TMEM232: variants seen among roughly 807,000 people sequenced by gnomAD.
TMEM232 encodes transmembrane protein 232.
In TMEM232, 80 loss-of-function variants were observed where a neutral mutation model predicts 78.8. The ratio of observed to expected loss-of-function variants is 1.01; its 90% confidence interval spans 0.85 to 1.22. TMEM232 has a LOEUF of 1.22. TMEM232 is among the 50% of genes most tolerant of loss of function. The pLI is 0.00. For missense variants in TMEM232, 881 were observed against 742.2 expected, an observed-to-expected ratio of 1.19 and a Z score of -2.17; for synonymous variants, 297 against 254.3, an observed-to-expected ratio of 1.17 and a Z score of -1.60.
At chr5:110,495,998 G>A (rs1215351669) in intron 12 of TMEM232, among the ~76,000 whole-genome samples, 1 of 151,334 alleles carries the variant, frequency 6.6e-6, no homozygotes, top group Non-Finnish European at 1.5e-5. Flanking sequence ...ATTACTTTTT[G>A]CATTATTTTT....
chr5:110,696,834 G>A (rs1417246077), intron 1 of TMEM232, among the ~76,000 whole-genome samples: 1 of 152,032 alleles, frequency 6.6e-6, no homozygotes, highest in African/African-American at 2.4e-5. Context: ...CATGCTCATG[G>A]GTAGGAAGAA....
intron 12 of TMEM232, among the ~76,000 whole-genome samples, chr5:110,447,410 A>T (rs1759786274): frequency 6.6e-6 from 1 of 152,078 alleles, no homozygotes; most frequent in South Asian, 2.1e-4. Flanking sequence ...AGGGGCTTCG[A>T]CTAGTACACA....
At chr5:110,437,475 A>AAGGAAGGGAGAGCC (rs1287678126) in intron 12 of TMEM232, among the ~76,000 whole-genome samples, 4 of 152,058 alleles carry the variant, frequency 2.6e-5, no homozygotes, top group Non-Finnish European at 5.9e-5. Context: ...TTCCTTCTGT[A>AAGGAAGGGAGAGCC]AGGAAGGGAG....
At chr5:110,512,374 T>C (rs1040310458) in intron 12 of TMEM232, among the ~76,000 whole-genome samples, 1 of 152,188 alleles carries the variant, frequency 6.6e-6, no homozygotes, top group African/African-American at 2.4e-5. Flanking sequence ...TCACGAGCAG[T>C]AGTTCTAGAC....
chr5:110,565,645 C>T (rs1776257702), intron 11 of TMEM232, among the ~76,000 whole-genome samples: 1 of 151,904 alleles, frequency 6.6e-6, no homozygotes, highest in South Asian at 2.1e-4. Context: ...TTTCTCTGTT[C>T]CCAAGTGTTT....
chr5:110,407,238 A>C (rs988431807), intron 2 of TMEM232, among the ~76,000 whole-genome samples: 1 of 152,120 alleles, frequency 6.6e-6, no homozygotes, highest in Admixed American at 6.6e-5. Flanking sequence ...TCTCCATTGA[A>C]AAAGCAAAGA....
intron 5 of TMEM232, among the ~76,000 whole-genome samples, chr5:110,634,377 ACACAACAATAGGATG>A (rs1785525196): frequency 6.6e-6 from 1 of 152,132 alleles, no homozygotes; most frequent in Non-Finnish European, 1.5e-5. Context: ...ATTTTTCCCA[ACACAACAATAGGATG>A]CACATTCTTC....
chr5:110,405,161 A>G (rs967961066), intron 2 of TMEM232, among the ~76,000 whole-genome samples: 32 of 152,106 alleles, frequency 2.1e-4, no homozygotes, highest in Admixed American at 1.8e-3. Context: ...AGCAAGATAA[A>G]AAAGAGACTA....
chr5:110,413,276 C>T (rs1047506627), intron 2 of TMEM232, among the ~76,000 whole-genome samples: 1 of 152,166 alleles, frequency 6.6e-6, no homozygotes, highest in Non-Finnish European at 1.5e-5. Context: ...GAACATTGGA[C>T]TCCAAGTTCT....
intron 1 of TMEM232, chr5:110,725,529 A>G (rs1349495535): frequency 2.6e-5 from 4 of 152,214 alleles, no homozygotes; most frequent in Non-Finnish European, 5.9e-5. Context: ...AGAATATAGC[A>G]CTACTCATTA....
chr5:110,626,154 T>C (rs1228394979), intron 6 of TMEM232, among the ~76,000 whole-genome samples: 1 of 151,928 alleles, frequency 6.6e-6, no homozygotes, highest in African/African-American at 2.4e-5. Context: ...AGGGCACAAT[T>C]TGGGGATTTT....
chr5:110,665,364 G>C (rs994410077), intron 2 of TMEM232, among the ~76,000 whole-genome samples: 1 of 152,104 alleles, frequency 6.6e-6, no homozygotes, highest in Non-Finnish European at 1.5e-5. Context: ...CTCTGTATTA[G>C]TCCGTTCTCA....
intron 10 of TMEM232, among the ~76,000 whole-genome samples, chr5:110,578,920 A>C (rs894779985): frequency 4.0e-5 from 6 of 151,886 alleles, no homozygotes; most frequent in Non-Finnish European, 8.8e-5. Context: ...CCATTTGCAC[A>C]GTGCTATACA....
In TMEM232 at chr5:110,599,746, T is replaced by C. The variant is rs146129656; in HGVS notation, c.1276+5363A>G. 9.8e-3 allele frequency among the ~76,000 whole-genome samples: 1,489 copies of C among 152,154 alleles called. 20 individuals are homozygous for C. Among genetic ancestry groups the C allele is most frequent in the African/African-American group, 0.032 (1,312 of 41,494 alleles). ...GACTTTAATACCCCACTGTCAATATTAGACAGATCAACGAGACAGGAAATT... is the reference window on the plus strand; with the variant it reads ...GACTTTAATACCCCACTGTCAATATCAGACAGATCAACGAGACAGGAAATT... On this transcript the variant is annotated intron_variant, in intron 10 of 13. Coordinates refer to ENST00000455884, the MANE Select transcript of TMEM232 (RefSeq NM_001039763.4).
chr5:110,513,124 CAGAT>C (rs1298178994), intron 12 of TMEM232, among the ~76,000 whole-genome samples: 1 of 152,102 alleles, frequency 6.6e-6, no homozygotes, highest in Non-Finnish European at 1.5e-5. Flanking sequence ...GAAGATGTAA[CAGAT>C]AGATAGATAG....
downstream of TMEM232, among the ~76,000 whole-genome samples, chr5:110,416,803 C>CCTAT (rs1195043188): frequency 6.6e-6 from 1 of 152,092 alleles, no homozygotes; most frequent in Non-Finnish European, 1.5e-5. Flanking sequence ...CTTTATGCTC[C>CCTAT]CTATCTCCAA....
chr5:110,460,233 TAAGGGGAAA>T (rs1761354928), intron 12 of TMEM232, among the ~76,000 whole-genome samples: 1 of 151,986 alleles, frequency 6.6e-6, no homozygotes, highest in Non-Finnish European at 1.5e-5. Flanking sequence ...ACTGGGGTGT[TAAGGGGAAA>T]AAGGTATGAT....
At chr5:110,640,485 A>T (rs1786524366) in intron 4 of TMEM232, among the ~76,000 whole-genome samples, 1 of 152,142 alleles carries the variant, frequency 6.6e-6, no homozygotes, top group Admixed American at 6.6e-5. Context: ...TAATGAGTAA[A>T]GCTTGCTATT....
At chr5:110,518,138 C>T (rs1049178356) in intron 12 of TMEM232, among the ~76,000 whole-genome samples, 6 of 152,000 alleles carry the variant, frequency 3.9e-5, no homozygotes, top group Non-Finnish European at 7.4e-5. Context: ...CTCTCTCTCT[C>T]TCTCTCTTTC....
Sources: allele counts gnomAD v4.1 joint callset (sites outside exome capture counted in the v4.1 genomes callset), GRCh38; gene constraint gnomAD v4.1.1; transcripts MANE v1.5; gene names NCBI Gene and HGNC (gene_info 2026-07-23, HGNC 2026-07-21).